The following IGF2BP2 variants were observed in gnomAD, a reference collection of about 807,000 sequenced individuals.
IGF2BP2 encodes insulin-like growth factor 2 mRNA-binding protein 2.
IGF2BP2 carries 17 observed loss-of-function variants against 75.8 expected under a neutral mutation model. The ratio of observed to expected loss-of-function variants is 0.22; its 90% CI spans 0.15 to 0.34. The LOEUF (loss-of-function observed/expected upper bound fraction) is 0.34, where lower values mean the gene tolerates loss of function less well. Ranked by LOEUF, IGF2BP2 falls within the 10% of genes least tolerant of loss-of-function variation. The pLI, the probability that IGF2BP2 is intolerant of heterozygous loss-of-function variation, is 1.00. For missense variants in IGF2BP2, 516 were observed against 772.4 expected, an observed-to-expected ratio of 0.67 and a Z score of 3.93; for synonymous variants, 288 against 295.6, an observed-to-expected ratio of 0.97 and a Z score of 0.26.
At chr3:185,687,230 T>C (rs756557362) in intron 6 of IGF2BP2, 39 bp from the exon 7 acceptor site, 1 of 1,585,118 alleles carries the variant, frequency 6.3e-7, no homozygotes. Flanking sequence ...TACAAGGTCA[T>C]CTGGATAGGA....
intron 2 of IGF2BP2, among the ~76,000 whole-genome samples, chr3:185,733,837 A>T (rs755633995): frequency 2.6e-5 from 4 of 152,202 alleles, no homozygotes; most frequent in Non-Finnish European, 4.4e-5. Context: ...ACAAACAAAC[A>T]GTAGTTTAGG....
At chr3:185,731,960 C>T (rs373505733) in intron 2 of IGF2BP2, among the ~76,000 whole-genome samples, 5 of 151,490 alleles carry the variant, frequency 3.3e-5, no homozygotes, top group Non-Finnish European at 5.9e-5. Context: ...CCAGCCTGGG[C>T]GACAGAGCGA....
At chr3:185,653,582 CT>C (rs1446579089) in intron 12 of IGF2BP2, among the ~76,000 whole-genome samples, 1 of 151,862 alleles carries the variant, frequency 6.6e-6, no homozygotes, top group Non-Finnish European at 1.5e-5. Context: ...GATCAAACCA[CT>C]GCCTGGGTGA....
At chr3:185,770,341 A>C (rs529010439) in intron 2 of IGF2BP2, among the ~76,000 whole-genome samples, 173 of 152,344 alleles carry the variant, frequency 1.1e-3, no homozygotes, top group African/African-American at 4.0e-3. Context: ...CAGTTCTCTC[A>C]AGGAAAATGG....
At chr3:185,776,072 C>T (rs1029035105) in intron 2 of IGF2BP2, among the ~76,000 whole-genome samples, 1 of 151,918 alleles carries the variant, frequency 6.6e-6, no homozygotes, top group African/African-American at 2.4e-5. Flanking sequence ...AGTGAGGTCA[C>T]GTCTTTATAA....
At chr3:185,820,229 TACACATACACACACAC>T (rs1178974686) in intron 2 of IGF2BP2, among the ~76,000 whole-genome samples, 1,798 of 133,900 alleles carry the variant, frequency 0.013, 40 homozygotes, top group African/African-American at 0.041. Flanking sequence ...TGTGTATATA[TACACATACACACACAC>T]ACACACACAC....
At chr3:185,783,256 T>C (rs563355104) in intron 2 of IGF2BP2, among the ~76,000 whole-genome samples, 2 of 152,322 alleles carry the variant, frequency 1.3e-5, no homozygotes, top group East Asian at 1.9e-4. Context: ...ATCTGGACTC[T>C]TACTGAAAAT....
chr3:185,700,492 G>A (rs759442396), intron 2 of IGF2BP2, among the ~76,000 whole-genome samples: 2 of 152,038 alleles, frequency 1.3e-5, no homozygotes, highest in African/African-American at 2.4e-5. Flanking sequence ...GCTAATTCCC[G>A]ACATGGCCTT....
intron 2 of IGF2BP2, among the ~76,000 whole-genome samples, chr3:185,793,855 T>G (rs540478016): frequency 6.6e-6 from 1 of 152,254 alleles, no homozygotes; most frequent in Admixed American, 6.5e-5. Flanking sequence ...CTATGGAGTT[T>G]TGGCCCTGCC....
At chr3:185,648,959 G>C (rs1029845467) in intron 14 of IGF2BP2, among the ~76,000 whole-genome samples, 2 of 151,998 alleles carry the variant, frequency 1.3e-5, no homozygotes, top group African/African-American at 4.8e-5. Flanking sequence ...GCACAGGCCT[G>C]AGTGAAATCC....
chr3:185,680,556 CA>C (rs1720220011), intron 7 of IGF2BP2, among the ~76,000 whole-genome samples: 1 of 152,112 alleles, frequency 6.6e-6, no homozygotes, highest in African/African-American at 2.4e-5. Context: ...AAATCCTCAA[CA>C]AAATACTAGC....
chr3:185,714,164 T>C (rs891571564), intron 2 of IGF2BP2, among the ~76,000 whole-genome samples: 1 of 151,884 alleles, frequency 6.6e-6, no homozygotes, highest in Non-Finnish European at 1.5e-5. Flanking sequence ...TACATTCCTT[T>C]TTTTTTTTAC....
intron 4 of IGF2BP2, among the ~76,000 whole-genome samples, chr3:185,696,242 A>G (rs1178116960): frequency 6.6e-6 from 1 of 152,208 alleles, no homozygotes; most frequent in Non-Finnish European, 1.5e-5. Context: ...AGTCCAAGAC[A>G]TTAGGGATCT....
chr3:185,804,885 C>G (rs564023934), intron 2 of IGF2BP2, among the ~76,000 whole-genome samples: 1 of 151,332 alleles, frequency 6.6e-6, no homozygotes, highest in South Asian at 2.1e-4. Context: ...CCCAGCTACT[C>G]GGGAGGCTGA....
intron 12 of IGF2BP2, among the ~76,000 whole-genome samples, chr3:185,653,531 G>C (rs576355054): frequency 6.6e-6 from 1 of 151,992 alleles, no homozygotes; most frequent in Admixed American, 6.6e-5. Context: ...TGAGGCAGGA[G>C]AATCACTTGA....
intron 2 of IGF2BP2, among the ~76,000 whole-genome samples, chr3:185,735,950 G>A (rs1560383577): frequency 6.6e-6 from 1 of 152,186 alleles, no homozygotes; most frequent in Non-Finnish European, 1.5e-5. Context: ...TAAACTATAT[G>A]CATACACTTT....
At chr3:185,786,033 T>C (rs1026807337) in intron 2 of IGF2BP2, among the ~76,000 whole-genome samples, 1 of 152,232 alleles carries the variant, frequency 6.6e-6, no homozygotes, top group Non-Finnish European at 1.5e-5. Flanking sequence ...TTTTAAGCAG[T>C]GTTTTTCAAA....
At chr3:185,669,729 C>A (rs1718229978) in intron 10 of IGF2BP2, among the ~76,000 whole-genome samples, 1 of 152,160 alleles carries the variant, frequency 6.6e-6, no homozygotes, top group East Asian at 1.9e-4. Flanking sequence ...TTGTGATATA[C>A]AAAAGCAACC....
chr3:185,713,569 T>C, intron 2 of IGF2BP2: 1 of 498,112 alleles, frequency 2.0e-6, no homozygotes, highest in Non-Finnish European at 4.0e-6. Flanking sequence ...AATTGTTTAT[T>C]TCACATGGAG....
Sources: gnomAD v4.1 joint callset for allele counts (sites outside exome capture counted in the v4.1 genomes callset) on GRCh38, gnomAD v4.1.1 for gene constraint, MANE v1.5 for transcripts, NCBI Gene and HGNC (gene_info 2026-07-23, HGNC 2026-07-21) for gene names.